Variants in PTPRC observed in about 807,000 individuals in gnomAD.
PTPRC encodes receptor-type tyrosine-protein phosphatase C.
Under a neutral mutation model 155.9 loss-of-function variants are expected in PTPRC, and 44 were observed. The ratio of observed to expected loss-of-function variants is 0.28; its 90% confidence interval spans 0.22 to 0.36. The LOEUF (loss-of-function observed/expected upper bound fraction) is 0.36. Ranked by LOEUF, PTPRC falls within the 10% of genes least tolerant of loss-of-function variation. PTPRC has a pLI of 1.00. For missense variants in PTPRC, 1,401 were observed against 1,564.6 expected, an observed-to-expected ratio of 0.90 and a Z score of 1.76; for synonymous variants, 525 against 533.1, an observed-to-expected ratio of 0.98 and a Z score of 0.21.
Position 198,752,302 on chromosome 1 carries a change from A to C in PTPRC, c.3261A>C (p.Glu1087Asp), listed in dbSNP as rs540174573. 1.2e-6 allele frequency: 2 copies of C among 1,611,942 alleles called. No homozygotes were observed. The highest frequency in any genetic ancestry group is 2.2e-5 in the South Asian group (2 of 91,054). Reference protein sequence around the residue: ...GEGKQTYGDIEVDLKDTDKSS... With the variant: ...GEGKQTYGDIDVDLKDTDKSS... ...GAAAGCAAACATATGGAGATATTGAAGTTGACCTGAAAGACACAGACAAAT... is the reference window on the plus strand; with the variant it reads ...GAAAGCAAACATATGGAGATATTGACGTTGACCTGAAAGACACAGACAAAT... Residue 1087 changes from glutamate (E) to aspartate (D), a missense_variant, in exon 30 of 33, where the codon GAA becomes GAC. Glu to Asp is a conservative substitution (Grantham distance 45). This residue lies in a region of PTPRC where 400 missense variants were observed against 389.5 expected (regional missense o/e 1.03). Coordinates refer to ENST00000442510, the MANE Select transcript of PTPRC (RefSeq NM_002838.5).
intron 23 of PTPRC, among the ~76,000 whole-genome samples, chr1:198,736,728 G>T: frequency 6.6e-6 from 1 of 151,578 alleles, no homozygotes; most frequent in Non-Finnish European, 1.5e-5. Context: ...TGGATCATAT[G>T]GTAGTGCTAT....
chr1:198,669,247 T>C (rs1407787446), intron 2 of PTPRC, among the ~76,000 whole-genome samples: 1 of 152,208 alleles, frequency 6.6e-6, no homozygotes, highest in East Asian at 1.9e-4. Context: ...AAATGACTAA[T>C]GCTTAGTGTT....
At chr1:198,717,905 C>A (rs1275865544) in intron 13 of PTPRC, among the ~76,000 whole-genome samples, 189 bp from the exon 14 acceptor site, 1 of 152,162 alleles carries the variant, frequency 6.6e-6, no homozygotes, top group Non-Finnish European at 1.5e-5. Context: ...CTAATACTTA[C>A]TGAATAAATG....
At chr1:198,680,662 G>A (rs934879451) in intron 2 of PTPRC, among the ~76,000 whole-genome samples, 3 of 151,930 alleles carry the variant, frequency 2.0e-5, no homozygotes, top group Non-Finnish European at 4.4e-5. Context: ...AGGGATGGAG[G>A]AAGTTGTCAG....
intron 2 of PTPRC, among the ~76,000 whole-genome samples, chr1:198,687,707 T>C (rs1284514178): frequency 6.6e-6 from 1 of 152,118 alleles, no homozygotes; most frequent in Non-Finnish European, 1.5e-5. Context: ...TTAAGACTGG[T>C]AAAATGTTTA....
chr1:198,641,973 G>A (rs1662610674), intron 2 of PTPRC, among the ~76,000 whole-genome samples: 1 of 151,950 alleles, frequency 6.6e-6, no homozygotes, highest in South Asian at 2.1e-4. Flanking sequence ...GTCCTATTAA[G>A]TTCTAAATAC....
At chr1:198,681,798 A>G (rs1445066167) in intron 2 of PTPRC, among the ~76,000 whole-genome samples, 2 of 152,232 alleles carry the variant, frequency 1.3e-5, no homozygotes, top group African/African-American at 4.8e-5. Flanking sequence ...ATCACATAAT[A>G]AAACTAACCT....
intron 3 of PTPRC, 165 bp downstream of exon 3, chr1:198,692,538 C>A (rs564406511): frequency 5.5e-6 from 6 of 1,082,764 alleles, no homozygotes; most frequent in Middle Eastern, 3.5e-4. Flanking sequence ...TCTGCTTATA[C>A]GTTATAGAGT....
intron 15 of PTPRC, among the ~76,000 whole-genome samples, chr1:198,726,975 C>G (rs1411224629): frequency 6.6e-6 from 1 of 151,188 alleles, no homozygotes; most frequent in Non-Finnish European, 1.5e-5. Context: ...TGATTCTCAT[C>G]CCTTAGCCTC....
intron 2 of PTPRC, among the ~76,000 whole-genome samples, chr1:198,685,182 T>G (rs1665551899): frequency 6.6e-6 from 1 of 151,810 alleles, no homozygotes; most frequent in African/African-American, 2.4e-5. Flanking sequence ...AAAATAATAT[T>G]AATATACCCA....
intron 23 of PTPRC, among the ~76,000 whole-genome samples, chr1:198,740,616 G>C (rs1255593358): frequency 1.3e-5 from 2 of 151,572 alleles, no homozygotes; most frequent in African/African-American, 4.8e-5. Flanking sequence ...CCTTTAGTCA[G>C]ACTAAGGAAA....
chr1:198,651,747 T>C (rs758755108), intron 2 of PTPRC, among the ~76,000 whole-genome samples: 64 of 151,920 alleles, frequency 4.2e-4, no homozygotes, highest in Non-Finnish European at 7.2e-4. Context: ...GATATTATCA[T>C]AAAATTTACT....
chr1:198,648,815 G>A (rs1663077664), intron 2 of PTPRC, among the ~76,000 whole-genome samples: 1 of 151,844 alleles, frequency 6.6e-6, no homozygotes, highest in Non-Finnish European at 1.5e-5. Flanking sequence ...AGTCTGTCTT[G>A]AGGTGAGTGA....
intron 9 of PTPRC, 96 bp from the exon 10 acceptor site, chr1:198,708,037 T>C: frequency 8.5e-7 from 1 of 1,181,536 alleles, no homozygotes; most frequent in Non-Finnish European, 1.2e-6. Flanking sequence ...ATTAGCATAA[T>C]TTCAGTGGCT....
chr1:198,718,638 A>G (rs981813963), intron 14 of PTPRC, among the ~76,000 whole-genome samples: 15 of 152,080 alleles, frequency 9.9e-5, no homozygotes, highest in Non-Finnish European at 2.9e-5. Flanking sequence ...TTGGCTTTTT[A>G]TCTTTATTAA....
At chr1:198,688,553 A>G (rs1443009990) in intron 2 of PTPRC, among the ~76,000 whole-genome samples, 2 of 152,214 alleles carry the variant, frequency 1.3e-5, no homozygotes, top group Non-Finnish European at 2.9e-5. Flanking sequence ...ATTCTGTAAT[A>G]AATTAACTTG....
intron 26 of PTPRC, among the ~76,000 whole-genome samples, chr1:198,747,227 C>A (rs1655173483): frequency 6.8e-6 from 1 of 147,080 alleles, no homozygotes; most frequent in Non-Finnish European, 1.5e-5. Flanking sequence ...TTAGAGCAAC[C>A]AAAAGGGGAA....
In PTPRC at chr1:198,754,275, A is replaced by C. The variant is rs1655521715; in HGVS notation, c.3516A>C (p.Gly1172=). ...TCTTTTCTTTCTTTTATAGGGATGG[A>C]TCTCAGCAAACGGGAATATTTTGTG... is the stretch of plus-strand genomic sequence containing the variant. The part of the protein sequence containing the change: ...STPLLIHCRD[G]SQQTGIFCAL... The change falls in exon 32 of 33, where the codon GGA becomes GGC. Residue 1172 remains glycine, a synonymous_variant. Coordinates refer to ENST00000442510, the MANE Select transcript of PTPRC (RefSeq NM_002838.5). The C allele has an allele frequency of 6.2e-7, 1 of 1,609,758 alleles. No individual in the cohort carries two copies. The highest frequency in any genetic ancestry group is 8.5e-7 in the Non-Finnish European group (1 of 1,176,538).
chr1:198,661,142 G>A (rs1435101192), intron 2 of PTPRC, among the ~76,000 whole-genome samples: 1 of 152,020 alleles, frequency 6.6e-6, no homozygotes, highest in Non-Finnish European at 1.5e-5. Context: ...TCTTAACACT[G>A]TTAATTGAAA....
Sources: allele counts gnomAD v4.1 joint callset (sites outside exome capture counted in the v4.1 genomes callset), GRCh38; gene constraint gnomAD v4.1.1; regional missense constraint gnomAD v4.1.1; transcripts MANE v1.5; gene names NCBI Gene and HGNC (gene_info 2026-07-23, HGNC 2026-07-21).